The following DPF3 variants were observed in gnomAD, a reference collection of about 807,000 sequenced individuals.
The protein encoded by DPF3 is zinc finger protein DPF3.
A neutral mutation model predicts 56.8 loss-of-function variants in DPF3; 18 were observed. That is an observed-to-expected ratio of 0.32 (90% CI 0.22 to 0.47). The LOEUF (loss-of-function observed/expected upper bound fraction) is 0.47, where lower values mean the gene tolerates loss of function less well. Ranked by LOEUF, DPF3 falls within the 20% of genes least tolerant of loss-of-function variation. The pLI is 1.00. For missense variants in DPF3, 403 were observed against 488.8 expected (o/e 0.82, Z 1.65); for synonymous variants, 188 against 180.2 (o/e 1.04, Z -0.35).
chr14:72,838,573 G>A (rs1308054109), intron 1 of DPF3, among the ~76,000 whole-genome samples: 1 of 151,232 alleles, frequency 6.6e-6, no homozygotes, highest in African/African-American at 2.4e-5. Context: ...ATGGCAATTA[G>A]TGGCCAGGCA....
At chr14:72,888,103 G>A (rs1886618382) in intron 1 of DPF3, among the ~76,000 whole-genome samples, 1 of 152,142 alleles carries the variant, frequency 6.6e-6, no homozygotes, top group South Asian at 2.1e-4. Flanking sequence ...GGCCTGGCTG[G>A]TGAGGACTCA....
chr14:72,662,616 C>T lies in DPF3; in HGVS notation c.871+11624G>A, dbSNP rs1886263632. On this transcript the variant is annotated intron_variant, in intron 8 of 10. Transcript: ENST00000556509. ...TCTTATTGCACAAACTGAGGCCATT[C>T]CCAAGGCTTCTGTGGGCTGAGCTGA... 4.1e-6 allele frequency: 4 copies of T among 985,110 alleles called. No homozygotes were observed. In the South Asian group the frequency reaches 1.4e-4, roughly 35 times the overall value. The allele number at this position is 985,110 out of a possible 1,614,324, so 61.0% of individuals were successfully genotyped here.
intron 1 of DPF3, among the ~76,000 whole-genome samples, chr14:72,779,063 T>TTACC (rs1891864420): frequency 6.6e-6 from 1 of 152,146 alleles, no homozygotes; most frequent in Admixed American, 6.5e-5. Context: ...TCTTGCTGAT[T>TTACC]TACCCGCAGT....
At chr14:72,751,676 T>A (rs1407587829) in intron 3 of DPF3, among the ~76,000 whole-genome samples, 2 of 152,240 alleles carry the variant, frequency 1.3e-5, no homozygotes, top group Admixed American at 1.3e-4. Flanking sequence ...ATAAATGATT[T>A]TATATCGATG....
At chr14:72,792,915 C>A (rs1599446070) in intron 1 of DPF3, among the ~76,000 whole-genome samples, 1 of 127,430 alleles carries the variant, frequency 7.8e-6, no homozygotes, top group Non-Finnish European at 1.8e-5. Context: ...TGAGACCGTT[C>A]TTCAAAATAA....
At chr14:72,720,730 A>C (rs955871619) in intron 5 of DPF3, among the ~76,000 whole-genome samples, 1 of 152,344 alleles carries the variant, frequency 6.6e-6, no homozygotes, top group Non-Finnish European at 1.5e-5. Context: ...TTCAAATCTT[A>C]GCCTCTTCCT....
At chr14:72,713,857 G>A (rs889323660) in intron 6 of DPF3, among the ~76,000 whole-genome samples, 3 of 152,150 alleles carry the variant, frequency 2.0e-5, no homozygotes, top group African/African-American at 7.2e-5. Context: ...CCAGGCAGTC[G>A]CTTGTCCAAA....
chr14:72,663,166 CAAA>C (rs56335418), intron 8 of DPF3, among the ~76,000 whole-genome samples: 3,517 of 88,558 alleles, frequency 0.04, 98 homozygotes, highest in Middle Eastern at 0.074. Flanking sequence ...TGGGTGTTAG[CAAA>C]AAAAAAAAAA....
chr14:72,747,750 G>T (rs1372834519), intron 3 of DPF3, among the ~76,000 whole-genome samples: 3 of 152,134 alleles, frequency 2.0e-5, no homozygotes, highest in Admixed American at 2.0e-4. Context: ...AATCATGGGG[G>T]AGGGTCTTTC....
intron 6 of DPF3, among the ~76,000 whole-genome samples, chr14:72,710,023 C>G (rs1357431768): frequency 6.6e-6 from 1 of 152,238 alleles, no homozygotes; most frequent in Non-Finnish European, 1.5e-5. Context: ...AAAATGTTCT[C>G]CCTGAATATC....
intron 8 of DPF3, among the ~76,000 whole-genome samples, chr14:72,632,656 A>G (rs1228049509): frequency 1.5e-5 from 2 of 137,624 alleles, no homozygotes; most frequent in East Asian, 4.8e-4. Flanking sequence ...GGAAGGAGGG[A>G]GGGAAGGAAA....
intron 9 of DPF3, among the ~76,000 whole-genome samples, chr14:72,627,219 T>A (rs1379267906): frequency 1.3e-5 from 2 of 152,108 alleles, no homozygotes; most frequent in Non-Finnish European, 2.9e-5. Flanking sequence ...TTTGAAAACC[T>A]TTTCCTGTAT....
At chr14:72,892,854 C>T (rs1457298204) in intron 1 of DPF3, among the ~76,000 whole-genome samples, 1 of 152,198 alleles carries the variant, frequency 6.6e-6, no homozygotes, top group African/African-American at 2.4e-5. Flanking sequence ...CACCCAATAG[C>T]ACCCCTTTCA....
intron 6 of DPF3, among the ~76,000 whole-genome samples, chr14:72,694,885 A>G (rs376169812): frequency 2.4e-4 from 36 of 152,286 alleles, no homozygotes; most frequent in African/African-American, 8.2e-4. Flanking sequence ...CTATAATATG[A>G]TTCTCCTTTA....
At chr14:72,852,988 AT>A (rs887171385) in intron 1 of DPF3, among the ~76,000 whole-genome samples, 9 of 149,352 alleles carry the variant, frequency 6.0e-5, no homozygotes, top group East Asian at 6.0e-4. Context: ...CCTACAGCTG[AT>A]TTTTTTTTAA....
At chr14:72,691,537 G>A (rs923844924) in intron 7 of DPF3, among the ~76,000 whole-genome samples, 1 of 152,098 alleles carries the variant, frequency 6.6e-6, no homozygotes, top group Non-Finnish European at 1.5e-5. Context: ...GACCATCCTG[G>A]CCAACGTGGT....
chr14:72,683,207 A>G (rs1887238235), intron 7 of DPF3, among the ~76,000 whole-genome samples: 1 of 151,894 alleles, frequency 6.6e-6, no homozygotes, highest in Admixed American at 6.6e-5. Context: ...CACACCTGTA[A>G]TCCCAGCTAC....
intron 7 of DPF3, among the ~76,000 whole-genome samples, chr14:72,674,957 T>C (rs1268145821): frequency 6.6e-6 from 1 of 152,200 alleles, no homozygotes; most frequent in African/African-American, 2.4e-5. Flanking sequence ...GGGAGTCTCA[T>C]CTCCCTGAAG....
chr14:72,612,847 C>T lies in DPF3; in HGVS notation c.*6450G>A, dbSNP rs1883824194. On this transcript the variant is annotated 3_prime_UTR_variant, in exon 11 of 11. Coordinates refer to ENST00000556509, the MANE Select transcript of DPF3 (RefSeq NM_001280542.3). ...CTTTCCAAGCACAAGGCTCCCTTTGCAACCCTGGTGGCTGTGCAGAGGCTG... is the reference window on the plus strand; with the variant it reads ...CTTTCCAAGCACAAGGCTCCCTTTGTAACCCTGGTGGCTGTGCAGAGGCTG... Among the ~76,000 whole-genome samples the T allele has an allele frequency of 6.6e-6, 1 of 152,202 alleles. No homozygotes were observed. Among genetic ancestry groups the T allele is most frequent in the African/African-American group, 2.4e-5 (1 of 41,444 alleles).
Sources: gnomAD v4.1 joint callset for allele counts (sites outside exome capture counted in the v4.1 genomes callset) on GRCh38, gnomAD v4.1.1 for gene constraint, MANE v1.5 for transcripts, NCBI Gene and HGNC (gene_info 2026-07-23, HGNC 2026-07-21) for gene names.